IP6K1: variants seen among roughly 807,000 people sequenced by gnomAD.
IP6K1 encodes ATP:1D-myo-inositol-hexakisphosphate phosphotransferase.
Under a neutral mutation model 38.3 loss-of-function variants are expected in IP6K1, and 13 were observed. The ratio of observed to expected loss-of-function variants is 0.34; its 90% CI spans 0.22 to 0.54. The LOEUF (loss-of-function observed/expected upper bound fraction) is 0.54, where lower values mean the gene tolerates loss of function less well. IP6K1 is among the 20% of genes least tolerant of loss of function. The probability of loss-of-function intolerance (pLI) is 0.92; values close to 1 mark genes in which losing one functional copy is unlikely to be tolerated. For missense variants in IP6K1, 397 were observed against 599.8 expected, an observed-to-expected ratio of 0.66 and a Z score of 3.53; for synonymous variants, 212 against 229.9, an observed-to-expected ratio of 0.92 and a Z score of 0.70.
intron 3 of IP6K1, among the ~76,000 whole-genome samples, chr3:49,737,894 T>C (rs966587493): frequency 6.6e-6 from 1 of 152,196 alleles, no homozygotes; most frequent in African/African-American, 2.4e-5. Flanking sequence ...TACGAACTAA[T>C]GTATTTCAAC....
intron 1 of IP6K1, among the ~76,000 whole-genome samples, chr3:49,758,288 T>G (rs1415076973): frequency 9.7e-6 from 1 of 102,736 alleles, no homozygotes; most frequent in African/African-American, 3.9e-5. Context: ...CACTCCAGCC[T>G]GGGGTGACAG....
At chr3:49,737,852 T>TCTGA (rs1432146352) in intron 3 of IP6K1, among the ~76,000 whole-genome samples, 1 of 152,200 alleles carries the variant, frequency 6.6e-6, no homozygotes, top group African/African-American at 2.4e-5. Context: ...GGCTTGGACA[T>TCTGA]CCTGCAGGTC....
chr3:49,785,083 G>A (rs892937885), intron 1 of IP6K1, among the ~76,000 whole-genome samples: 2 of 152,240 alleles, frequency 1.3e-5, no homozygotes, highest in African/African-American at 2.4e-5. Flanking sequence ...CAGGTCAAGA[G>A]AAATGTGTTT....
At chr3:49,768,421 G>T (rs1331225738) in intron 1 of IP6K1, among the ~76,000 whole-genome samples, 4 of 152,148 alleles carry the variant, frequency 2.6e-5, no homozygotes, top group African/African-American at 2.4e-5. Context: ...TTTGCTAAGT[G>T]AAATAAGCCA....
At chr3:49,736,646 TG>T (rs1213135759) in intron 3 of IP6K1, among the ~76,000 whole-genome samples, 2 of 152,316 alleles carry the variant, frequency 1.3e-5, no homozygotes, top group East Asian at 3.9e-4. Context: ...AGCCAGAAAC[TG>T]GAAACAACCC....
intron 1 of IP6K1, among the ~76,000 whole-genome samples, chr3:49,767,450 C>G (rs957816884): frequency 3.3e-5 from 5 of 151,802 alleles, no homozygotes; most frequent in Non-Finnish European, 5.9e-5. Flanking sequence ...TGTGGTGGCA[C>G]GTGCCTGTAA....
chr3:49,780,478 T>C (rs1306896898), intron 1 of IP6K1, among the ~76,000 whole-genome samples: 4 of 152,170 alleles, frequency 2.6e-5, no homozygotes, highest in Admixed American at 6.6e-5. Flanking sequence ...TGCTTCCTTG[T>C]TGCAAGTCAG....
chr3:49,743,625 T>C (rs1400748577), intron 2 of IP6K1, among the ~76,000 whole-genome samples: 2 of 150,252 alleles, frequency 1.3e-5, no homozygotes, highest in Admixed American at 6.6e-5. Flanking sequence ...TTTTGTTTTT[T>C]TTTTTTTTTT....
intron 2 of IP6K1, among the ~76,000 whole-genome samples, chr3:49,740,091 C>T (rs1237036156): frequency 6.6e-6 from 1 of 152,064 alleles, no homozygotes; most frequent in African/African-American, 2.4e-5. Context: ...GAGGCCAAGG[C>T]AGGACTGCTT....
intron 1 of IP6K1, among the ~76,000 whole-genome samples, chr3:49,750,469 C>T (rs2080763159): frequency 6.6e-6 from 1 of 151,970 alleles, no homozygotes; most frequent in Non-Finnish European, 1.5e-5. Context: ...CCGAGGCGGA[C>T]GGATCACCTG....
At chr3:49,764,805 G>A (rs990798949) in intron 1 of IP6K1, among the ~76,000 whole-genome samples, 1 of 151,818 alleles carries the variant, frequency 6.6e-6, no homozygotes, top group African/African-American at 2.4e-5. Flanking sequence ...CTTGAGCCTG[G>A]GAGGCGGAGG....
chr3:49,735,833 G>T (rs1329162085), intron 3 of IP6K1, among the ~76,000 whole-genome samples: 1 of 152,210 alleles, frequency 6.6e-6, no homozygotes, highest in African/African-American at 2.4e-5. Context: ...GAACTGATCT[G>T]ATATCACAGA....
At chr3:49,749,208 G>A (rs1400412593) in intron 1 of IP6K1, among the ~76,000 whole-genome samples, 1 of 152,182 alleles carries the variant, frequency 6.6e-6, no homozygotes, top group Non-Finnish European at 1.5e-5. Context: ...AGGGACCCCT[G>A]CTATAGGATC....
At chr3:49,760,278 G>A (rs2080856798) in intron 1 of IP6K1, among the ~76,000 whole-genome samples, 1 of 152,056 alleles carries the variant, frequency 6.6e-6, no homozygotes, top group African/African-American at 2.4e-5. Context: ...AGAGAGATGG[G>A]GACTAACCTT....
At chr3:49,780,341 C>CACACACACACACACAG (rs1025490190) in intron 1 of IP6K1, among the ~76,000 whole-genome samples, 1 of 151,920 alleles carries the variant, frequency 6.6e-6, no homozygotes, top group African/African-American at 2.4e-5. Context: ...CACACACACA[C>CACACACACACACACAG]AGTCTTAGGC....
intron 4 of IP6K1, among the ~76,000 whole-genome samples, chr3:49,732,330 G>A (rs2080569555): frequency 6.6e-6 from 1 of 152,132 alleles, no homozygotes; most frequent in African/African-American, 2.4e-5. Context: ...CTTGGGAGGG[G>A]AAAACTACAC....
At chr3:49,774,538 G>A (rs1041400604) in intron 1 of IP6K1, among the ~76,000 whole-genome samples, 1 of 151,510 alleles carries the variant, frequency 6.6e-6, no homozygotes, top group Non-Finnish European at 1.5e-5. Context: ...CCTGCCTTCA[G>A]AGAACTGAAA....
chr3:49,767,870 GACA>G (rs2080925605), intron 1 of IP6K1, among the ~76,000 whole-genome samples: 1 of 151,868 alleles, frequency 6.6e-6, no homozygotes, highest in Non-Finnish European at 1.5e-5. Context: ...TGTATAACTC[GACA>G]ACAACAAAAA....
chr3:49,736,851 A>C (rs1190324007), intron 3 of IP6K1, among the ~76,000 whole-genome samples: 1 of 150,040 alleles, frequency 6.7e-6, no homozygotes, highest in Non-Finnish European at 1.5e-5. Context: ...GGCTCACTAC[A>C]AGCTCCGCCT....
Sources: gnomAD v4.1 joint callset for allele counts (sites outside exome capture counted in the v4.1 genomes callset) on GRCh38, gnomAD v4.1.1 for gene constraint, MANE v1.5 for transcripts, NCBI Gene and HGNC (gene_info 2026-07-23, HGNC 2026-07-21) for gene names.